Variants in RIMS1 observed in about 807,000 individuals in gnomAD.
The protein encoded by RIMS1 is regulating synaptic membrane exocytosis 1, also known as regulating synaptic membrane exocytosis protein 1.
A neutral mutation model predicts 214.1 loss-of-function variants in RIMS1; 83 were observed. That is an observed-to-expected ratio of 0.39 (90% CI 0.32 to 0.47). RIMS1 has a LOEUF of 0.47. RIMS1 is among the 20% of genes least tolerant of loss of function. The pLI is 0.99. For synonymous variants in RIMS1, 793 were observed against 786.8 expected, an observed-to-expected ratio of 1.01 and a Z score of -0.13; for missense variants, 2,050 against 2,161.8, an observed-to-expected ratio of 0.95 and a Z score of 1.03.
intron 12 of RIMS1, 61 bp downstream of exon 12, chr6:72,248,188 C>T: frequency 1.0e-6 from 1 of 986,598 alleles, no homozygotes; most frequent in Non-Finnish European, 1.6e-6. Context: ...CTGAGTCTGT[C>T]TTTAAATATG....
At chr6:72,341,093 T>C (rs1332069863) in intron 29 of RIMS1, among the ~76,000 whole-genome samples, 3 of 152,000 alleles carry the variant, frequency 2.0e-5, no homozygotes, top group African/African-American at 4.8e-5. Context: ...TTGTCTGTTA[T>C]TGGTGTATAA....
At chr6:72,305,402 A>C (rs1013681788) in intron 26 of RIMS1, among the ~76,000 whole-genome samples, 16 of 152,082 alleles carry the variant, frequency 1.1e-4, no homozygotes, top group African/African-American at 3.9e-4. Context: ...ACACCATTTA[A>C]GTCTGTTTTT....
chr6:71,982,955 A>G (rs1203886272), intron 2 of RIMS1, among the ~76,000 whole-genome samples: 4 of 152,176 alleles, frequency 2.6e-5, no homozygotes, highest in Admixed American at 2.0e-4. Flanking sequence ...CAAAACCACA[A>G]TATTCCCTAC....
At chr6:71,927,103 T>A (rs1302846678) in intron 1 of RIMS1, among the ~76,000 whole-genome samples, 2 of 152,048 alleles carry the variant, frequency 1.3e-5, no homozygotes, top group Non-Finnish European at 2.9e-5. Flanking sequence ...CAGAAAAAAA[T>A]TTAGAAGAAA....
intron 28 of RIMS1, among the ~76,000 whole-genome samples, chr6:72,321,501 C>T (rs951844393): frequency 2.0e-5 from 3 of 152,034 alleles, no homozygotes; most frequent in East Asian, 1.9e-4. Context: ...AAAACATTAT[C>T]GGCTTGTTTA....
intron 2 of RIMS1, among the ~76,000 whole-genome samples, chr6:72,031,402 A>G (rs1337393010): frequency 6.6e-6 from 1 of 152,182 alleles, no homozygotes; most frequent in African/African-American, 2.4e-5. Context: ...ATTTTCATTT[A>G]TAGCTTAGAA....
At chr6:71,970,410 A>C (rs576991368) in intron 2 of RIMS1, among the ~76,000 whole-genome samples, 1 of 152,158 alleles carries the variant, frequency 6.6e-6, no homozygotes, top group African/African-American at 2.4e-5. Context: ...TTAGAATTCA[A>C]ATTCTTTGAG....
chr6:72,110,687 C>T (rs1404997087), intron 4 of RIMS1, among the ~76,000 whole-genome samples: 1 of 151,278 alleles, frequency 6.6e-6, no homozygotes, highest in Non-Finnish European at 1.5e-5. Flanking sequence ...AATTGAATAC[C>T]CTTTATTTCC....
chr6:72,260,926 G>A (rs890730339), intron 19 of RIMS1, 159 bp downstream of exon 19: 1 of 1,475,574 alleles, frequency 6.8e-7, no homozygotes, highest in Non-Finnish European at 9.0e-7. Context: ...TATGGAAAAG[G>A]TTCCAAATAT....
chr6:72,278,598 C>T (rs2088076604), intron 23 of RIMS1, among the ~76,000 whole-genome samples: 1 of 152,076 alleles, frequency 6.6e-6, no homozygotes, highest in South Asian at 2.1e-4. Flanking sequence ...AAATACAGTA[C>T]ATTACTTATT....
chr6:72,260,978 A>T, intron 19 of RIMS1: 1 of 1,341,260 alleles, frequency 7.5e-7, no homozygotes, highest in South Asian at 1.5e-5. Context: ...CCATCTGTAG[A>T]TTCAAAAATC....
At chr6:72,234,118 T>A (rs1589884678) in intron 7 of RIMS1, among the ~76,000 whole-genome samples, 1 of 152,038 alleles carries the variant, frequency 6.6e-6, no homozygotes. Context: ...AGAATCAGTT[T>A]TTTTATGTAA....
chr6:72,297,958 A>G (rs2094260763), intron 26 of RIMS1, among the ~76,000 whole-genome samples: 1 of 152,008 alleles, frequency 6.6e-6, no homozygotes, highest in Non-Finnish European at 1.5e-5. Flanking sequence ...GGTTATTGTG[A>G]GTACATCCCG....
intron 3 of RIMS1, 74 bp downstream of exon 3, chr6:72,097,236 C>T: frequency 1.5e-6 from 2 of 1,293,986 alleles, no homozygotes; most frequent in East Asian, 2.3e-5. Context: ...CATGAGAACA[C>T]GTGCATCTTA....
At chr6:71,968,870 G>C in intron 1 of RIMS1, 113 bp from the exon 2 acceptor site, 1 of 1,063,908 alleles carries the variant, frequency 9.4e-7, no homozygotes, top group Non-Finnish European at 1.4e-6. Flanking sequence ...AATGTTGAAG[G>C]GGCTTTCAAA....
intron 10 of RIMS1, among the ~76,000 whole-genome samples, chr6:72,243,838 T>G (rs1194136957): frequency 6.6e-6 from 1 of 151,640 alleles, no homozygotes; most frequent in Non-Finnish European, 1.5e-5. Flanking sequence ...ATACAAAAAT[T>G]ATAATTTAAA....
intron 4 of RIMS1, among the ~76,000 whole-genome samples, chr6:72,100,564 G>A (rs1213545842): frequency 6.6e-6 from 1 of 151,668 alleles, no homozygotes; most frequent in African/African-American, 2.4e-5. Context: ...AAACCACAGA[G>A]GCTCTTTGTG....
At chr6:72,240,630 CTTT>C (rs11344285) in intron 9 of RIMS1, among the ~76,000 whole-genome samples, 34 of 82,462 alleles carry the variant, frequency 4.1e-4, no homozygotes, top group African/African-American at 1.1e-3. Context: ...TTTCTTTTTT[CTTT>C]TTTTTTTTTT....
chr6:72,080,283 A>C (rs1423493165), intron 2 of RIMS1, among the ~76,000 whole-genome samples: 2 of 151,888 alleles, frequency 1.3e-5, no homozygotes, highest in Non-Finnish European at 2.9e-5. Context: ...ATAAAATACA[A>C]AACAAAGTAC....
Sources: allele counts gnomAD v4.1 joint callset (sites outside exome capture counted in the v4.1 genomes callset), GRCh38; gene constraint gnomAD v4.1.1; transcripts MANE v1.5; gene names NCBI Gene and HGNC (gene_info 2026-07-23, HGNC 2026-07-21).